AASS: variants seen among roughly 807,000 people sequenced by gnomAD.
AASS encodes alpha-aminoadipic semialdehyde synthase, mitochondrial.
AASS carries 86 observed loss-of-function variants against 105.4 expected under a neutral mutation model. The ratio of observed to expected loss-of-function variants is 0.82; its 90% confidence interval spans 0.69 to 0.98. The LOEUF is 0.98. AASS is among the 50% of genes least tolerant of loss of function. The pLI is 0.00. For missense variants in AASS, 1,048 were observed against 1,143.2 expected (o/e 0.92, Z 1.20); for synonymous variants, 381 against 394.8 (o/e 0.96, Z 0.41).
At chr7:122,133,228 C>G (rs1024659571) in intron 2 of AASS, among the ~76,000 whole-genome samples, 1 of 151,972 alleles carries the variant, frequency 6.6e-6, no homozygotes, top group Admixed American at 6.6e-5. Context: ...GAGTGGCAGG[C>G]AAGGTACATT....
intron 4 of AASS, among the ~76,000 whole-genome samples, chr7:122,121,358 A>G (rs1795433098): frequency 6.6e-6 from 1 of 152,178 alleles, no homozygotes; most frequent in Non-Finnish European, 1.5e-5. Context: ...ATATCACAAT[A>G]CATTGTTTCA....
rs1434356152 is a variant in AASS, at chr7:122,129,441, T to C, written c.307A>G (p.Arg103Gly). 3 of 1,613,498 alleles carry C rather than the reference T, an allele frequency of 1.9e-6. No homozygotes were observed. The highest frequency in any genetic ancestry group is 2.5e-6 in the Non-Finnish European group (3 of 1,179,688). ...TGGGAGAAAAATGCATAAGTCTTCC[T>C]GGACATTAATTTTTCCTCTGGAGGT... Reference protein sequence around the residue: ...KRPPEEKLMSRKTYAFFSHTI... With the variant: ...KRPPEEKLMSGKTYAFFSHTI... The change falls in exon 3 of 24, where the codon AGG becomes GGG. Residue 103 changes from arginine to glycine, a missense_variant. Physicochemically the swap from Arg to Gly is moderately radical, Grantham distance 125. Transcript: ENST00000417368.
chr7:122,132,754 C>T (rs1331080655), intron 2 of AASS, among the ~76,000 whole-genome samples: 1 of 151,988 alleles, frequency 6.6e-6, no homozygotes, highest in Non-Finnish European at 1.5e-5. Flanking sequence ...ATTATTCGTG[C>T]CCAGTAGCAG....
At chr7:122,079,345 T>C in intron 21 of AASS, 2 of 1,369,914 alleles carry the variant, frequency 1.5e-6, no homozygotes, top group South Asian at 1.5e-5. Context: ...AAAGCAAAAA[T>C]ACCCCACTAT....
At chr7:122,106,190 T>C (rs1418101393) in intron 11 of AASS, among the ~76,000 whole-genome samples, 1 of 152,072 alleles carries the variant, frequency 6.6e-6, no homozygotes, top group African/African-American at 2.4e-5. Context: ...TCTTCCTATT[T>C]GAATGCTTTT....
chr7:122,079,768 T>A, intron 20 of AASS, 56 bp from the exon 21 acceptor site: 1 of 1,234,256 alleles, frequency 8.1e-7, no homozygotes, highest in Non-Finnish European at 1.2e-6. Context: ...TTTTTTTAAT[T>A]GACTGAAAAA....
chr7:122,123,465 G>C (rs1233535930), intron 4 of AASS, among the ~76,000 whole-genome samples: 1 of 152,166 alleles, frequency 6.6e-6, no homozygotes. Flanking sequence ...AATTTTTCTA[G>C]TTGGTTAATG....
At chr7:122,136,048 C>T (rs567644736) in intron 1 of AASS, among the ~76,000 whole-genome samples, 151 of 152,224 alleles carry the variant, frequency 9.9e-4, no homozygotes, top group Non-Finnish European at 1.8e-3. Context: ...CTTAGTTTTC[C>T]ATGTAAACTT....
In AASS at chr7:122,086,201, C is replaced by T. The variant is rs779661960; in HGVS notation, c.2017-22G>A. 3.1e-6 allele frequency: 5 copies of T among 1,611,924 alleles called. No individual in the cohort carries two copies. In the African/African-American group the frequency reaches 4.0e-5, roughly 13 times the overall value. ...CAACCTGAGGAACATTGAGAAGGCA[C>T]ACATGGGGTTACAGCTGTTCCTTTC... On this transcript the variant is annotated intron_variant, in intron 18 of 23. Coordinates refer to ENST00000417368, the MANE Select transcript of AASS (RefSeq NM_005763.4).
chr7:122,078,618 A>T (rs548295669), intron 22 of AASS, among the ~76,000 whole-genome samples: 1 of 152,092 alleles, frequency 6.6e-6, no homozygotes, highest in African/African-American at 2.4e-5. Context: ...TCAAAAAATA[A>T]CTAACTAACT....
At chr7:122,090,026 C>A (rs1257512409) in intron 18 of AASS, among the ~76,000 whole-genome samples, 2 of 152,260 alleles carry the variant, frequency 1.3e-5, no homozygotes, top group East Asian at 3.9e-4. Context: ...AAACATCAGA[C>A]TAAGATTCTG....
At chr7:122,082,919 T>A (rs955841045) in intron 19 of AASS, 1 of 1,207,506 alleles carries the variant, frequency 8.3e-7, no homozygotes, top group African/African-American at 1.6e-5. Flanking sequence ...GCTGGATAAA[T>A]AGATTCTGAA....
At chr7:122,103,250 G>A (rs920594650) in intron 11 of AASS, among the ~76,000 whole-genome samples, 1 of 152,002 alleles carries the variant, frequency 6.6e-6, no homozygotes, top group Non-Finnish European at 1.5e-5. Context: ...ATCTCCATTA[G>A]ACTATCAGCA....
chr7:122,114,059 G>T (rs1795057708), intron 9 of AASS, among the ~76,000 whole-genome samples: 1 of 152,082 alleles, frequency 6.6e-6, no homozygotes, highest in Admixed American at 6.6e-5. Flanking sequence ...GTTCAATTAT[G>T]CTACCTCCAC....
intron 17 of AASS, among the ~76,000 whole-genome samples, chr7:122,092,387 C>T (rs1793946380): frequency 6.6e-6 from 1 of 152,104 alleles, no homozygotes; most frequent in Admixed American, 6.6e-5. Context: ...TTTATAGTAG[C>T]ATCTGTTTCT....
chr7:122,136,771 A>G (rs1292856521), intron 1 of AASS, among the ~76,000 whole-genome samples: 1 of 152,204 alleles, frequency 6.6e-6, no homozygotes, highest in African/African-American at 2.4e-5. Flanking sequence ...TGACTCCATC[A>G]GGAGGAACAT....
Position 122,118,462 on chromosome 7 carries a change from A to T in AASS, c.541-9T>A. On this transcript the variant is annotated splice_polypyrimidine_tract_variant and intron_variant, in intron 5 of 23. Coordinates refer to ENST00000417368, the MANE Select transcript of AASS (RefSeq NM_005763.4). ...TGAGCCATGCCAATGTGCTGAAAACAAACATACACAACTCAAGTTAGTCCA... is the reference window on the plus strand; with the variant it reads ...TGAGCCATGCCAATGTGCTGAAAACTAACATACACAACTCAAGTTAGTCCA... The T allele has an allele frequency of 6.2e-7, 1 of 1,614,168 alleles. No individual in the cohort carries two copies. The highest frequency in any genetic ancestry group is 8.5e-7 in the Non-Finnish European group (1 of 1,180,010).
chr7:122,110,784 A>G (rs1394575452), intron 11 of AASS, among the ~76,000 whole-genome samples: 1 of 151,806 alleles, frequency 6.6e-6, no homozygotes, highest in East Asian at 1.9e-4. Flanking sequence ...ATATATATAT[A>G]TCTCCACAAC....
chr7:122,079,275 C>T (rs1033236683), intron 21 of AASS: 37 of 1,344,136 alleles, frequency 2.8e-5, no homozygotes, highest in East Asian at 3.2e-5. Flanking sequence ...GATGCCACAG[C>T]GGTCATATGA....
Sources: gnomAD v4.1 joint callset for allele counts (sites outside exome capture counted in the v4.1 genomes callset) on GRCh38, gnomAD v4.1.1 for gene constraint, MANE v1.5 for transcripts, NCBI Gene and HGNC (gene_info 2026-07-23, HGNC 2026-07-21) for gene names.